SPATA13: variants seen among roughly 807,000 people sequenced by gnomAD.
SPATA13 encodes the protein spermatogenesis-associated protein 13.
Under a neutral mutation model 104.0 loss-of-function variants are expected in SPATA13, and 50 were observed. The ratio of observed to expected loss-of-function variants is 0.48; its 90% CI spans 0.38 to 0.61. The LOEUF (loss-of-function observed/expected upper bound fraction) is 0.61, where lower values mean the gene tolerates loss of function less well. Ranked by LOEUF, SPATA13 falls within the 20% of genes least tolerant of loss-of-function variation. The probability of loss-of-function intolerance (pLI) is 0.00; values close to 1 mark genes in which losing one functional copy is unlikely to be tolerated. For synonymous variants in SPATA13, 606 were observed against 667.5 expected, an observed-to-expected ratio of 0.91 and a Z score of 1.42; for missense variants, 1,524 against 1,690.6, an observed-to-expected ratio of 0.90 and a Z score of 1.73.
intron 3 of SPATA13, among the ~76,000 whole-genome samples, chr13:24,101,239 T>A (rs1469100066): frequency 6.6e-6 from 1 of 152,202 alleles, no homozygotes; most frequent in Admixed American, 6.5e-5. Context: ...CAAACACATA[T>A]AATTTTCAAA....
At chr13:24,060,052 A>G (rs1372980687) in intron 3 of SPATA13, among the ~76,000 whole-genome samples, 1 of 152,238 alleles carries the variant, frequency 6.6e-6, no homozygotes, top group Non-Finnish European at 1.5e-5. Flanking sequence ...TTCCAATGAC[A>G]TTCTTCACTG....
At chr13:24,004,966 A>C (rs1167081188) in intron 2 of SPATA13, among the ~76,000 whole-genome samples, 1 of 152,210 alleles carries the variant, frequency 6.6e-6, no homozygotes, top group Non-Finnish European at 1.5e-5. Context: ...AATAAATCAA[A>C]TGAATTCATT....
At chr13:24,238,667 T>C (rs750609136) in intron 2 of SPATA13, among the ~76,000 whole-genome samples, 1 of 152,138 alleles carries the variant, frequency 6.6e-6, no homozygotes, top group Non-Finnish European at 1.5e-5. Context: ...GCGGCTGAAG[T>C]CTTGCATACA....
intron 1 of SPATA13, among the ~76,000 whole-genome samples, chr13:24,187,558 A>G (rs948140479): frequency 6.6e-6 from 1 of 152,176 alleles, no homozygotes. Flanking sequence ...GGCGCCATTC[A>G]TTGTTACAAT....
chr13:24,233,886 AACACACACACACACACACAC>A (rs10571334), intron 2 of SPATA13, among the ~76,000 whole-genome samples: 5 of 147,558 alleles, frequency 3.4e-5, no homozygotes, highest in Non-Finnish European at 7.5e-5. Context: ...TATACACTTA[AACACACACACACACACACAC>A]ACACACACAC....
intron 3 of SPATA13, among the ~76,000 whole-genome samples, chr13:24,054,674 ATAG>A (rs1340342976): frequency 6.6e-6 from 1 of 152,256 alleles, no homozygotes; most frequent in Non-Finnish European, 1.5e-5. Context: ...AAATATAATA[ATAG>A]TAGCGCACCG....
At chr13:24,001,488 C>T (rs578200712) in intron 2 of SPATA13, among the ~76,000 whole-genome samples, 4 of 151,350 alleles carry the variant, frequency 2.6e-5, no homozygotes, top group African/African-American at 9.7e-5. Flanking sequence ...TAAGGAGTGG[C>T]GGTGGAGAGG....
intron 10 of SPATA13, among the ~76,000 whole-genome samples, chr13:24,295,706 C>T (rs986243105): frequency 6.6e-6 from 1 of 150,432 alleles, no homozygotes; most frequent in African/African-American, 2.5e-5. Flanking sequence ...TCTCTGTATT[C>T]ATAAAAACAG....
chr13:24,033,135 G>T (rs1877541019), intron 3 of SPATA13, among the ~76,000 whole-genome samples: 1 of 152,190 alleles, frequency 6.6e-6, no homozygotes, highest in Non-Finnish European at 1.5e-5. Flanking sequence ...AAAGTCCCCA[G>T]ACCTGCAAGG....
At chr13:24,248,960 C>T (rs1438198894) in intron 2 of SPATA13, among the ~76,000 whole-genome samples, 2 of 151,420 alleles carry the variant, frequency 1.3e-5, no homozygotes. Flanking sequence ...ACTTTTGCCT[C>T]CCAGGATCAA....
chr13:24,130,552 G>A (rs59945310), intron 3 of SPATA13, among the ~76,000 whole-genome samples: 9,762 of 152,256 alleles, frequency 0.064, 1,052 homozygotes, highest in African/African-American at 0.22. Flanking sequence ...ATTGTTTAGC[G>A]TCATGGGAAC....
chr13:24,202,916 A>C (rs1192284307), intron 1 of SPATA13, among the ~76,000 whole-genome samples: 1 of 152,100 alleles, frequency 6.6e-6, no homozygotes, highest in African/African-American at 2.4e-5. Context: ...CAAACAGGAA[A>C]ACCCTAACTT....
chr13:24,060,281 C>G (rs547803208), intron 3 of SPATA13, among the ~76,000 whole-genome samples: 10 of 152,330 alleles, frequency 6.6e-5, no homozygotes, highest in Admixed American at 2.6e-4. Context: ...TACTTACAAC[C>G]TGCACACTTA....
intron 2 of SPATA13, among the ~76,000 whole-genome samples, chr13:24,231,060 C>G (rs989614078): frequency 6.6e-6 from 1 of 152,154 alleles, no homozygotes; most frequent in African/African-American, 2.4e-5. Context: ...ACTTGGCTCC[C>G]CCCAGAAGGC....
At chr13:24,166,214 T>G (rs1224036137) in intron 1 of SPATA13, among the ~76,000 whole-genome samples, 1 of 152,208 alleles carries the variant, frequency 6.6e-6, no homozygotes, top group East Asian at 1.9e-4. Flanking sequence ...ATGGAGAGAT[T>G]GATCAGAGAC....
At chr13:24,219,003 C>CAAAA (rs35494448) in intron 1 of SPATA13, among the ~76,000 whole-genome samples, 5 of 110,522 alleles carry the variant, frequency 4.5e-5, no homozygotes, top group African/African-American at 1.3e-4. Flanking sequence ...TCATTATCAC[C>CAAAA]AAAAAAAAAA....
intron 3 of SPATA13, among the ~76,000 whole-genome samples, chr13:24,103,483 T>TC (rs1880323874): frequency 1.2e-4 from 1 of 8,340 alleles, no homozygotes. Flanking sequence ...AGACCCTGTC[T>TC]CAAAAAAAAA....
At chr13:23,984,272 G>A (rs1381693701) in intron 2 of SPATA13, among the ~76,000 whole-genome samples, 1 of 152,238 alleles carries the variant, frequency 6.6e-6, no homozygotes, top group Non-Finnish European at 1.5e-5. Context: ...AGAGTCTTCT[G>A]CCACAGAAGT....
chr13:24,230,243 A>G (rs891356429), intron 2 of SPATA13, among the ~76,000 whole-genome samples: 3 of 152,236 alleles, frequency 2.0e-5, no homozygotes, highest in Non-Finnish European at 4.4e-5. Context: ...TGCTATGTGA[A>G]CAGAAGGGGT....
Sources: gnomAD v4.1 joint callset for allele counts (sites outside exome capture counted in the v4.1 genomes callset) on GRCh38, gnomAD v4.1.1 for gene constraint, MANE v1.5 for transcripts, NCBI Gene and HGNC (gene_info 2026-07-23, HGNC 2026-07-21) for gene names.